TRPC6: variants seen among roughly 807,000 people sequenced by gnomAD.
TRPC6 encodes short transient receptor potential channel 6.
Under a neutral mutation model 90.7 loss-of-function variants are expected in TRPC6, and 55 were observed. The observed-to-expected ratio is 0.61, with a 90% CI of 0.49 to 0.76. The LOEUF is 0.76. Ranked by LOEUF, TRPC6 falls within the 30% of genes least tolerant of loss-of-function variation. TRPC6 has a pLI of 0.00. For synonymous variants in TRPC6, 393 were observed against 393.0 expected (o/e 1.00, Z 0.00); for missense variants, 989 against 1,122.7 (o/e 0.88, Z 1.70).
chr11:101,569,212 G>A (rs909598305), intron 1 of TRPC6, among the ~76,000 whole-genome samples: 3 of 151,258 alleles, frequency 2.0e-5, no homozygotes, highest in Non-Finnish European at 4.4e-5. Flanking sequence ...AGCAGGGGTT[G>A]CAGTCCTAGC....
At chr11:101,506,493 G>A (rs1428235665) in intron 1 of TRPC6, among the ~76,000 whole-genome samples, 1 of 152,132 alleles carries the variant, frequency 6.6e-6, no homozygotes, top group Non-Finnish European at 1.5e-5. Flanking sequence ...TTGCTTCTTG[G>A]AGGAGCTTGA....
At chr11:101,499,183 T>C (rs1164905817) in intron 2 of TRPC6, among the ~76,000 whole-genome samples, 1 of 152,202 alleles carries the variant, frequency 6.6e-6, no homozygotes, top group Non-Finnish European at 1.5e-5. Flanking sequence ...TGTCATGTAT[T>C]GAAATGTAAA....
intron 1 of TRPC6, among the ~76,000 whole-genome samples, chr11:101,582,603 C>T (rs1862222140): frequency 6.6e-6 from 1 of 151,932 alleles, no homozygotes; most frequent in Non-Finnish European, 1.5e-5. Context: ...CAAAAGCTTG[C>T]AGTTACCCAC....
rs1858790442 is a variant in TRPC6, at chr11:101,452,711, G to A, written c.*244C>T. ...AGAGTTAGTTATATCCAAGAAAGCA[G>A]TTTATAAAACAAGCACCAAACAACT... On this transcript the variant is annotated 3_prime_UTR_variant, in exon 13 of 13. Coordinates refer to ENST00000344327, the MANE Select transcript of TRPC6 (RefSeq NM_004621.6). 4.0e-6 allele frequency: 2 copies of A among 499,796 alleles called. No individual in the cohort carries two copies. Among genetic ancestry groups the A allele is most frequent in the African/African-American group, 1.9e-5 (1 of 51,920 alleles). The allele number at this position is 499,796 out of a possible 1,614,324, so 31.0% of individuals were successfully genotyped here. A position where few individuals can be genotyped will look rare whatever the true frequency, so the allele number is the denominator to read the frequency against.
intron 1 of TRPC6, among the ~76,000 whole-genome samples, chr11:101,566,238 T>G (rs1230784707): frequency 6.6e-6 from 1 of 152,238 alleles, no homozygotes; most frequent in Non-Finnish European, 1.5e-5. Context: ...ATCAATAATG[T>G]GTAACTTTTA....
chr11:101,480,410 C>T (rs192123910), intron 5 of TRPC6, among the ~76,000 whole-genome samples: 3 of 152,174 alleles, frequency 2.0e-5, no homozygotes, highest in Admixed American at 6.5e-5. Flanking sequence ...CACAGCTCCT[C>T]CCTTCTGATG....
intron 1 of TRPC6, among the ~76,000 whole-genome samples, chr11:101,549,094 T>G (rs1388442329): frequency 6.6e-6 from 1 of 152,028 alleles, no homozygotes; most frequent in Non-Finnish European, 1.5e-5. Context: ...GATTGTGAGA[T>G]GTACAGATCA....
chr11:101,486,681 C>A (rs2136697912), intron 4 of TRPC6, among the ~76,000 whole-genome samples: 1 of 152,208 alleles, frequency 6.6e-6, no homozygotes, highest in South Asian at 2.1e-4. Context: ...GCAAAACCAA[C>A]TTTAAACAAA....
At chr11:101,491,761 A>G in intron 2 of TRPC6, 23 bp from the exon 3 acceptor site, 1 of 1,611,480 alleles carries the variant, frequency 6.2e-7, no homozygotes, top group Non-Finnish European at 8.5e-7. Context: ...AAGCAAAACA[A>G]AAGCAATAAT....
chr11:101,487,355 T>C (rs887454822), intron 4 of TRPC6, among the ~76,000 whole-genome samples: 58 of 152,096 alleles, frequency 3.8e-4, no homozygotes, highest in African/African-American at 1.4e-3. Context: ...ATATAACCCA[T>C]GTTCTAGGGA....
At chr11:101,482,916 A>T (rs748871120) in intron 5 of TRPC6, 33 bp downstream of exon 5, 1 of 1,609,550 alleles carries the variant, frequency 6.2e-7, no homozygotes, top group Non-Finnish European at 8.5e-7. Context: ...CTAAGACTGC[A>T]AACAGAAAAC....
chr11:101,527,336 T>A (rs77797358), intron 1 of TRPC6, among the ~76,000 whole-genome samples: 2,662 of 152,312 alleles, frequency 0.017, 74 homozygotes, highest in African/African-American at 0.052. Flanking sequence ...AATCACTATA[T>A]TTAATTATAA....
chr11:101,458,230 T>TAAGTC lies in TRPC6; in HGVS notation c.2485-3134_2485-3130dup, dbSNP rs567890214. ...GAAAAATCATGAAGTTGAACTCCGGTAAGTCTGGGACTGTCTGTAGTCAAT... is the reference window on the plus strand; with the variant it reads ...GAAAAATCATGAAGTTGAACTCCGGTAAGTCAAGTCTGGGACTGTCTGTAGTCAAT... On this transcript the variant is annotated intron_variant, in intron 10 of 12. Coordinates refer to ENST00000344327, the MANE Select transcript of TRPC6 (RefSeq NM_004621.6). Among the ~76,000 whole-genome samples, 59 of 152,318 alleles carry TAAGTC rather than the reference T, an allele frequency of 3.9e-4. No homozygotes were observed. The South Asian group carries it at 0.012, about 31-fold the overall frequency.
intron 1 of TRPC6, among the ~76,000 whole-genome samples, chr11:101,545,406 T>C (rs1048966927): frequency 6.6e-6 from 1 of 152,160 alleles, no homozygotes; most frequent in African/African-American, 2.4e-5. Flanking sequence ...TTTTGCTATC[T>C]GCGTGGGGAG....
chr11:101,507,329 TA>T lies in TRPC6; in HGVS notation c.171-2532del, dbSNP rs199511895. Among the ~76,000 whole-genome samples the T allele has an allele frequency of 6.1e-3, 882 of 144,758 alleles. 5 individuals carry two copies. The highest frequency in any genetic ancestry group is 0.01 in the Non-Finnish European group (674 of 66,900). 95.0% of individuals were successfully genotyped at this position (144,758 alleles called of 152,430 possible). A position where few individuals can be genotyped will look rare whatever the true frequency, so the allele number is the denominator to read the frequency against. ...TAATACATTCTACATATTAAGTGGG[TA>T]TTTTTTTTTTTCAATTTTGGAAAAT... On this transcript the variant is annotated intron_variant, in intron 1 of 12. Coordinates refer to ENST00000344327, the MANE Select transcript of TRPC6 (RefSeq NM_004621.6).
At chr11:101,493,604 G>A (rs953231056) in intron 2 of TRPC6, among the ~76,000 whole-genome samples, 7 of 152,088 alleles carry the variant, frequency 4.6e-5, no homozygotes, top group Non-Finnish European at 8.8e-5. Flanking sequence ...TGAAACAACT[G>A]AGGGGGCAAG....
Position 101,452,110 on chromosome 11 carries a change from C to T in TRPC6, c.*845G>A, listed in dbSNP as rs1858776056. The T allele has an allele frequency of 6.6e-6, 1 of 152,120 alleles. No homozygotes were observed. The highest frequency in any genetic ancestry group is 2.1e-4 in the South Asian group (1 of 4,830). The allele number at this position is 152,120 out of a possible 1,614,324, so 9.4% of individuals were successfully genotyped here. ...GGCACAAAATTGTGCTATAATGGAA[C>T]CAAACAACCACAGTGTTTGTTTGGG... On this transcript the variant is annotated 3_prime_UTR_variant, in exon 13 of 13. Transcript: ENST00000344327.
At chr11:101,552,369 C>G (rs1192148513) in intron 1 of TRPC6, among the ~76,000 whole-genome samples, 3 of 152,066 alleles carry the variant, frequency 2.0e-5, no homozygotes, top group Admixed American at 2.0e-4. Flanking sequence ...ATGAGGCTGG[C>G]TTTTCTAATC....
At chr11:101,492,864 G>C (rs1012531862) in intron 2 of TRPC6, among the ~76,000 whole-genome samples, 1 of 152,058 alleles carries the variant, frequency 6.6e-6, no homozygotes, top group Non-Finnish European at 1.5e-5. Context: ...GCAGGCACAG[G>C]GTCAAAAGAT....
Sources: allele counts gnomAD v4.1 joint callset (sites outside exome capture counted in the v4.1 genomes callset), GRCh38; gene constraint gnomAD v4.1.1; transcripts MANE v1.5; gene names NCBI Gene and HGNC (gene_info 2026-07-23, HGNC 2026-07-21).